The following ACMSD variants were observed in gnomAD, a reference collection of about 807,000 sequenced individuals.
ACMSD encodes 2-amino-3-carboxymuconate-6-semialdehyde decarboxylase.
A neutral mutation model predicts 45.9 loss-of-function variants in ACMSD; 37 were observed. That is an observed-to-expected ratio of 0.81 (90% confidence interval 0.62 to 1.06). The LOEUF (loss-of-function observed/expected upper bound fraction) is 1.06. ACMSD is among the 50% of genes least tolerant of loss of function. The pLI, the probability that ACMSD is intolerant of heterozygous loss-of-function variation, is 0.00. For synonymous variants in ACMSD, 138 were observed against 148.8 expected, an observed-to-expected ratio of 0.93 and a Z score of 0.53; for missense variants, 434 against 420.9, an observed-to-expected ratio of 1.03 and a Z score of -0.27.
Position 134,863,420 on chromosome 2 carries a change from T to G in ACMSD, c.275T>G (p.Leu92Arg), listed in dbSNP as rs1384933718. 1 of 1,614,238 alleles carries G rather than the reference T, an allele frequency of 6.2e-7. No homozygotes were observed. Among genetic ancestry groups the G allele is most frequent in the South Asian group, 1.1e-5 (1 of 91,086 alleles). ...GCCAAACCTGAGGACACTTTAAACCTGTGCCAGCTTTTAAACAACGACCTT... is the reference window on the plus strand; with the variant it reads ...GCCAAACCTGAGGACACTTTAAACCGGTGCCAGCTTTTAAACAACGACCTT... ...YWAKPEDTLN[L>R]CQLLNNDLAS... Residue 92 changes from leucine (L) to arginine (R), a missense_variant, in exon 5 of 10, where the codon CTG (leucine) becomes CGG (arginine). Physicochemically the swap from Leu to Arg is moderately radical, Grantham distance 102. Transcript: ENST00000356140.
At chr2:134,855,498 T>C (rs987499024) in intron 2 of ACMSD, among the ~76,000 whole-genome samples, 26 of 152,230 alleles carry the variant, frequency 1.7e-4, no homozygotes, top group African/African-American at 6.3e-4. Context: ...AGCAAGTATT[T>C]GGCCTTCTGC....
chr2:134,899,472 A>AT (rs956518129), intron 9 of ACMSD, among the ~76,000 whole-genome samples: 2 of 152,064 alleles, frequency 1.3e-5, no homozygotes, highest in Non-Finnish European at 2.9e-5. Context: ...TCATAAAGGC[A>AT]TTTTTTATCT....
intron 8 of ACMSD, among the ~76,000 whole-genome samples, chr2:134,879,719 C>G (rs1688932933): frequency 6.6e-6 from 1 of 152,144 alleles, no homozygotes; most frequent in South Asian, 2.1e-4. Flanking sequence ...ACAAACTTAA[C>G]CCTAAACTCT....
At chr2:134,856,126 G>A (rs1687569117) in intron 2 of ACMSD, among the ~76,000 whole-genome samples, 1 of 152,066 alleles carries the variant, frequency 6.6e-6, no homozygotes, top group East Asian at 1.9e-4. Flanking sequence ...CGCTTTATAT[G>A]GATTATCTTA....
At chr2:134,851,139 A>G (rs1211092976) in intron 2 of ACMSD, among the ~76,000 whole-genome samples, 1 of 152,118 alleles carries the variant, frequency 6.6e-6, no homozygotes, top group Non-Finnish European at 1.5e-5. Flanking sequence ...ATTATTTTTT[A>G]TGGCTGCATG....
chr2:134,867,282 T>G, intron 5 of ACMSD: 1 of 200,210 alleles, frequency 5.0e-6, no homozygotes, highest in Non-Finnish European at 1.0e-5. Context: ...AGCCAAAACA[T>G]TTGAATGATG....
chr2:134,841,051 G>A (rs978610754), intron 1 of ACMSD, among the ~76,000 whole-genome samples: 2 of 152,160 alleles, frequency 1.3e-5, no homozygotes, highest in African/African-American at 4.8e-5. Flanking sequence ...TTCTTATGTA[G>A]TAGTCTCATA....
intron 6 of ACMSD, among the ~76,000 whole-genome samples, chr2:134,870,166 A>G (rs1206925707): frequency 6.6e-6 from 1 of 152,222 alleles, no homozygotes; most frequent in Non-Finnish European, 1.5e-5. Flanking sequence ...TTTCTGAGTC[A>G]TGGTCTGAAA....
chr2:134,862,070 C>A, intron 4 of ACMSD, 52 bp downstream of exon 4: 2 of 1,606,310 alleles, frequency 1.2e-6, no homozygotes, highest in Non-Finnish European at 1.7e-6. Context: ...TCGTGTTGAG[C>A]TCCCAAAAAG....
intron 8 of ACMSD, among the ~76,000 whole-genome samples, chr2:134,894,979 T>C (rs1011642448): frequency 7.9e-5 from 12 of 152,254 alleles, no homozygotes; most frequent in African/African-American, 2.6e-4. Context: ...ATTCCATTTA[T>C]AATAGCATCA....
intron 2 of ACMSD, among the ~76,000 whole-genome samples, chr2:134,855,814 CAGG>C (rs1301868332): frequency 6.6e-6 from 1 of 152,204 alleles, no homozygotes; most frequent in Non-Finnish European, 1.5e-5. Context: ...CTTCTTCATG[CAGG>C]AGATGGAGTA....
At chr2:134,840,246 C>G (rs1686742123) in intron 1 of ACMSD, among the ~76,000 whole-genome samples, 1 of 139,052 alleles carries the variant, frequency 7.2e-6, no homozygotes, top group Non-Finnish European at 1.5e-5. Flanking sequence ...GAAAGAATAT[C>G]CACATGAAAT....
intron 3 of ACMSD, among the ~76,000 whole-genome samples, chr2:134,860,959 G>A (rs1427977497): frequency 6.6e-6 from 1 of 151,836 alleles, no homozygotes; most frequent in Non-Finnish European, 1.5e-5. Flanking sequence ...GAGCCCAGGA[G>A]TTTGAGGCTG....
intron 8 of ACMSD, among the ~76,000 whole-genome samples, chr2:134,883,067 G>A (rs562726223): frequency 6.6e-6 from 1 of 152,332 alleles, no homozygotes; most frequent in South Asian, 2.1e-4. Context: ...CCAGAAGGTA[G>A]AATTCCAGGA....
intron 2 of ACMSD, among the ~76,000 whole-genome samples, chr2:134,848,913 A>C (rs911636960): frequency 6.6e-6 from 1 of 152,094 alleles, no homozygotes; most frequent in Non-Finnish European, 1.5e-5. Flanking sequence ...GCCCATCCTC[A>C]CCTTCTTGTG....
intron 5 of ACMSD, among the ~76,000 whole-genome samples, chr2:134,864,211 G>A (rs1687985044): frequency 6.6e-6 from 1 of 151,130 alleles, no homozygotes; most frequent in African/African-American, 2.4e-5. Flanking sequence ...ACAGGTTGCA[G>A]TGAGCCAAGA....
chr2:134,846,797 T>C (rs1025836328), intron 2 of ACMSD, among the ~76,000 whole-genome samples: 6 of 152,168 alleles, frequency 3.9e-5, no homozygotes, highest in South Asian at 2.1e-4. Flanking sequence ...GTGAACAAGA[T>C]AGACATAGTC....
intron 8 of ACMSD, 110 bp downstream of exon 8, chr2:134,872,751 A>T: frequency 7.8e-7 from 1 of 1,279,424 alleles, no homozygotes; most frequent in Non-Finnish European, 1.1e-6. Flanking sequence ...GAAAGGTATT[A>T]GATGAAAGGA....
intron 6 of ACMSD, among the ~76,000 whole-genome samples, chr2:134,869,324 T>C (rs1243500619): frequency 6.6e-6 from 1 of 152,090 alleles, no homozygotes; most frequent in Non-Finnish European, 1.5e-5. Flanking sequence ...GTGATTCTCC[T>C]GCCTCAGCCT....
Sources: allele counts gnomAD v4.1 joint callset (sites outside exome capture counted in the v4.1 genomes callset), GRCh38; gene constraint gnomAD v4.1.1; transcripts MANE v1.5; gene names NCBI Gene and HGNC (gene_info 2026-07-23, HGNC 2026-07-21).